The following UPRT variants were observed in gnomAD, a reference collection of about 807,000 sequenced individuals.
UPRT encodes uracil phosphoribosyltransferase homolog.
Under a neutral mutation model 22.6 loss-of-function variants are expected in UPRT, and 5 were observed. The observed-to-expected ratio is 0.22, with a 90% CI of 0.12 to 0.47. UPRT has a LOEUF of 0.47. Among genes scored for constraint, UPRT ranks in the 20% least tolerant of loss-of-function variants. The pLI, the probability that UPRT is intolerant of heterozygous loss-of-function variation, is 0.99. For missense variants in UPRT, 181 were observed against 239.9 expected (o/e 0.75, Z 1.62); for synonymous variants, 77 against 87.7 (o/e 0.88, Z 0.68).
intron 1 of UPRT, among the ~76,000 whole-genome samples, chrX:75,291,173 A>G (rs1273219675): frequency 2.7e-5 from 3 of 111,659 alleles, no homozygotes; most frequent in Non-Finnish European, 3.8e-5. Context: ...GGGTTTGTAC[A>G]ATTTAAAATA....
intron 2 of UPRT, among the ~76,000 whole-genome samples, chrX:75,162,395 A>T (rs2082202678): frequency 1.8e-5 from 2 of 111,931 alleles, no homozygotes; most frequent in Non-Finnish European, 3.8e-5. Flanking sequence ...TGATAAAGCT[A>T]TAGATTAATA....
At chrX:75,173,544 T>A (rs973335914) in intron 4 of UPRT, among the ~76,000 whole-genome samples, 4 of 112,608 alleles carry the variant, frequency 3.6e-5, no homozygotes, top group African/African-American at 1.3e-4. Context: ...ACCTAGTGGA[T>A]CCTACACCGG....
Position 75,274,137 on chromosome X carries a change from G to A in UPRT, c.-118G>A. The A allele has an allele frequency of 1.9e-6, 2 of 1,055,415 alleles. No individual in the cohort carries two copies. Among genetic ancestry groups the A allele is most frequent in the Non-Finnish European group, 2.5e-6 (2 of 795,922 alleles). The allele number at this position is 1,055,415 out of a possible 1,213,427, so 87.0% of individuals were successfully genotyped here. On this transcript the variant is annotated 5_prime_UTR_variant, in exon 1 of 7. Transcript: ENST00000373383. ...GCCTAGGGGTGAAAGGACAGCCAGG[G>A]TTAGATGTTCTGAGGAGGCGGGAGC...
At chrX:75,159,160 C>T (rs780272041) in intron 1 of UPRT, among the ~76,000 whole-genome samples, 1 of 111,906 alleles carries the variant, frequency 8.9e-6, no homozygotes, top group East Asian at 2.8e-4. Flanking sequence ...ATTCTACCCT[C>T]TACCTTCATG....
chrX:75,277,432 G>A (rs1448561759), intron 1 of UPRT, among the ~76,000 whole-genome samples: 1 of 109,881 alleles, frequency 9.1e-6, no homozygotes, highest in Non-Finnish European at 1.9e-5. Context: ...CTCTAAGTTT[G>A]GAAGGAGACA....
intron 3 of UPRT, among the ~76,000 whole-genome samples, chrX:75,166,564 T>G (rs780884992): frequency 1.8e-5 from 2 of 111,933 alleles, no homozygotes; most frequent in Non-Finnish European, 3.8e-5. Flanking sequence ...ACTCACCAAA[T>G]AGCCTTCTTT....
At chrX:75,194,927 C>A (rs1303401537) in intron 4 of UPRT, among the ~76,000 whole-genome samples, 1 of 110,313 alleles carries the variant, frequency 9.1e-6, no homozygotes, top group Non-Finnish European at 1.9e-5. Context: ...GTGTGGCTGG[C>A]AGTTTCCATG....
intron 1 of UPRT, among the ~76,000 whole-genome samples, chrX:75,287,126 C>T (rs1194743756): frequency 1.8e-5 from 2 of 110,365 alleles, no homozygotes; most frequent in Admixed American, 9.6e-5. Context: ...CACACACATA[C>T]GTATGTATAT....
chrX:75,207,838 T>G (rs1302005841), intron 4 of UPRT, among the ~76,000 whole-genome samples: 1 of 111,695 alleles, frequency 9.0e-6, no homozygotes, highest in Non-Finnish European at 1.9e-5. Flanking sequence ...TGCCATATGT[T>G]TGGCAGAGTA....
intron 1 of UPRT, among the ~76,000 whole-genome samples, chrX:75,285,686 G>T (rs966099650): frequency 9.0e-6 from 1 of 111,062 alleles, no homozygotes; most frequent in African/African-American, 3.3e-5. Flanking sequence ...CCTTAAGAGG[G>T]TCTGTGGGTC....
At chrX:75,165,997 C>G (rs752610819) in intron 3 of UPRT, among the ~76,000 whole-genome samples, 4 of 111,775 alleles carry the variant, frequency 3.6e-5, no homozygotes, top group Non-Finnish European at 5.6e-5. Flanking sequence ...AGATTATTAG[C>G]AAGATCGGGG....
intron 1 of UPRT, among the ~76,000 whole-genome samples, chrX:75,157,923 G>A (rs1220807343): frequency 8.9e-6 from 1 of 112,225 alleles, no homozygotes; most frequent in East Asian, 2.8e-4. Context: ...TCTATTCTGT[G>A]TTAGACAGCT....
At chrX:75,253,715 G>A (rs1241950958) in intron 4 of UPRT, among the ~76,000 whole-genome samples, 1 of 111,894 alleles carries the variant, frequency 8.9e-6, no homozygotes, top group Non-Finnish European at 1.9e-5. Context: ...TGCCCCTGCA[G>A]GACCTGAGAG....
chrX:75,159,525 G>C (rs901897843), intron 1 of UPRT, among the ~76,000 whole-genome samples: 1 of 111,637 alleles, frequency 9.0e-6, no homozygotes, highest in Admixed American at 9.5e-5. Context: ...TCTCAAGCCC[G>C]ATGCCAGACT....
At chrX:75,222,142 G>A (rs2082411949) in intron 4 of UPRT, among the ~76,000 whole-genome samples, 1 of 111,994 alleles carries the variant, frequency 8.9e-6, no homozygotes, top group Non-Finnish European at 1.9e-5. Flanking sequence ...GGTTTACCAG[G>A]CAGAGACTCT....
chrX:75,186,038 T>C (rs2082289477), intron 4 of UPRT, among the ~76,000 whole-genome samples: 1 of 111,635 alleles, frequency 9.0e-6, no homozygotes, highest in South Asian at 3.8e-4. Context: ...CTGCTCTGAT[T>C]TTAGTTATTT....
In UPRT at chrX:75,220,566, G is replaced by A. The variant is rs192647159; in HGVS notation, c.-447+52687G>A. On this transcript the variant is annotated intron_variant, in intron 4 of 13. Coordinates refer to the UPRT transcript ENST00000652605. The stretch of plus-strand genomic sequence containing the variant: ...TAATTTCTTGCTTTTTATGTTTTTC[G>A]ATCCATTGTACATTTTTTGATATGA... 1.9e-3 allele frequency among the ~76,000 whole-genome samples: 205 copies of A among 110,052 alleles called. 1 individual carries two copies. The highest frequency in any genetic ancestry group is 9.5e-3 in the Middle Eastern group (2 of 210).
At chrX:75,252,279 T>C (rs2082533374) in intron 4 of UPRT, among the ~76,000 whole-genome samples, 1 of 111,548 alleles carries the variant, frequency 9.0e-6, no homozygotes, top group South Asian at 3.7e-4. Flanking sequence ...ACAGGTAACC[T>C]ACAGAATGGG....
At chrX:75,207,153 A>G (rs1447135416) in intron 4 of UPRT, among the ~76,000 whole-genome samples, 1 of 112,209 alleles carries the variant, frequency 8.9e-6, no homozygotes, top group Non-Finnish European at 1.9e-5. Context: ...TGTAGTTAGA[A>G]AACCCCTTTC....
Sources: allele counts gnomAD v4.1 joint callset (sites outside exome capture counted in the v4.1 genomes callset), GRCh38; gene constraint gnomAD v4.1.1; transcripts MANE v1.5; gene names NCBI Gene and HGNC (gene_info 2026-07-23, HGNC 2026-07-21).